TRAK2: variants seen among roughly 807,000 people sequenced by gnomAD.
The protein encoded by TRAK2 is trafficking kinesin-binding protein 2.
In TRAK2, 81 loss-of-function variants were observed where a neutral mutation model predicts 104.6. That is an observed-to-expected ratio of 0.77 (90% CI 0.65 to 0.93). The LOEUF is 0.93. TRAK2 is among the 40% of genes least tolerant of loss of function. The pLI, the probability that TRAK2 is intolerant of heterozygous loss-of-function variation, is 0.00. For synonymous variants in TRAK2, 406 were observed against 394.4 expected (o/e 1.03, Z -0.35); for missense variants, 1,002 against 1,089.0 (o/e 0.92, Z 1.12).
chr2:201,442,356 A>T (rs1385523823), intron 1 of TRAK2, among the ~76,000 whole-genome samples: 2 of 150,686 alleles, frequency 1.3e-5, no homozygotes, highest in South Asian at 4.2e-4. Flanking sequence ...GCACCACTGC[A>T]CTCCAGCCTG....
chr2:201,428,483 G>A (rs868122393), intron 1 of TRAK2, among the ~76,000 whole-genome samples: 2 of 152,134 alleles, frequency 1.3e-5, no homozygotes, highest in Non-Finnish European at 2.9e-5. Flanking sequence ...GGTTGTAGAT[G>A]TGTGGTATTA....
chr2:201,446,921 C>CTA (rs1951969296), intron 1 of TRAK2, among the ~76,000 whole-genome samples: 1 of 152,186 alleles, frequency 6.6e-6, no homozygotes, highest in Non-Finnish European at 1.5e-5. Flanking sequence ...GTACAAACAG[C>CTA]TATATACAAA....
chr2:201,408,854 A>G (rs992448863), intron 2 of TRAK2, among the ~76,000 whole-genome samples: 5 of 152,214 alleles, frequency 3.3e-5, no homozygotes, highest in Non-Finnish European at 5.9e-5. Flanking sequence ...ACATTTTAGT[A>G]TATTCTCAAA....
Position 201,386,305 on chromosome 2 carries a change from G to A in TRAK2, c.1876C>T (p.Leu626Phe). The A allele has an allele frequency of 1.2e-6, 2 of 1,614,150 alleles. No individual in the cohort carries two copies. The highest frequency in any genetic ancestry group is 1.3e-5 in the African/African-American group (1 of 75,048). Residue 626 changes from leucine (L) to phenylalanine (F), a missense_variant, in exon 14 of 16, where the codon CTT becomes TTT. Transcript: ENST00000332624. ...GTTGAAAGTTTCTCTTCCACTTCAA[G>A]AGGTTGCTGAACCTGAAAAGTAATA... is the stretch of plus-strand genomic sequence containing the variant. ...EGITFQVQQP[L>F]EVEEKLSTSK... is the part of the protein sequence containing the mutation.
At chr2:201,414,639 A>G (rs976220903) in intron 2 of TRAK2, among the ~76,000 whole-genome samples, 5 of 152,216 alleles carry the variant, frequency 3.3e-5, no homozygotes, top group Non-Finnish European at 7.3e-5. Flanking sequence ...ATGGTTCTAA[A>G]TAAGCTCTCA....
chr2:201,443,068 CTTTTA>C (rs945811872), intron 1 of TRAK2, among the ~76,000 whole-genome samples: 60 of 152,134 alleles, frequency 3.9e-4, no homozygotes, highest in African/African-American at 1.4e-3. Flanking sequence ...TGCTCAAATT[CTTTTA>C]TTTTATTAAA....
intron 1 of TRAK2, among the ~76,000 whole-genome samples, chr2:201,428,304 CTAACATT>C (rs556420939): frequency 2.6e-4 from 39 of 152,276 alleles, no homozygotes; most frequent in African/African-American, 9.4e-4. Context: ...GGTTTTAGGT[CTAACATT>C]TAAGTATTTA....
chr2:201,405,531 G>A (rs2125648634), intron 3 of TRAK2, among the ~76,000 whole-genome samples: 1 of 152,240 alleles, frequency 6.6e-6, no homozygotes, highest in South Asian at 2.1e-4. Flanking sequence ...TTTTGTAGGT[G>A]GAGTAGGGGG....
Position 201,393,006 on chromosome 2 carries a change from A to G in TRAK2, c.1016T>C (p.Met339Thr). Residue 339 changes from methionine (M) to threonine (T), a missense_variant, in exon 10 of 16, where the codon ATG (methionine) becomes ACG (threonine). Transcript: ENST00000332624. ...LQDRNMECLGMLHESQEEIKE... is the reference protein window; with the variant it reads ...LQDRNMECLGTLHESQEEIKE... ...TATTTCTTCTTGGGATTCATGTAAC[A>G]TTCCTAGACACTCCATATTCCTGTC... 1 of 1,613,690 alleles carries G rather than the reference A, an allele frequency of 6.2e-7. No homozygotes were observed.
At chr2:201,422,317 A>T (rs1286118044) in intron 1 of TRAK2, among the ~76,000 whole-genome samples, 1 of 152,212 alleles carries the variant, frequency 6.6e-6, no homozygotes, top group Non-Finnish European at 1.5e-5. Flanking sequence ...TGGAACATAC[A>T]AAGGAATACA....
intron 2 of TRAK2, among the ~76,000 whole-genome samples, chr2:201,417,686 T>G (rs1481024709): frequency 6.6e-6 from 1 of 152,172 alleles, no homozygotes; most frequent in African/African-American, 2.4e-5. Context: ...GCTCTTACCA[T>G]TTTTATTCAA....
At chr2:201,402,064 A>T (rs1219008716) in intron 3 of TRAK2, among the ~76,000 whole-genome samples, 1 of 152,084 alleles carries the variant, frequency 6.6e-6, no homozygotes, top group Non-Finnish European at 1.5e-5. Flanking sequence ...GATAATAAAT[A>T]TGGAGGTGAT....
chr2:201,423,397 C>T (rs1951759946), intron 1 of TRAK2: 2 of 152,086 alleles, frequency 1.3e-5, no homozygotes, highest in African/African-American at 2.4e-5. Flanking sequence ...ATAGGCAAAT[C>T]CATAGTGACA....
chr2:201,388,096 T>C (rs772330596), intron 12 of TRAK2, 95 bp from the exon 13 acceptor site: 21 of 1,306,226 alleles, frequency 1.6e-5, no homozygotes, highest in South Asian at 1.4e-4. Context: ...AAGAGACTGA[T>C]ATTAAAAACA....
intron 3 of TRAK2, 56 bp from the exon 4 acceptor site, chr2:201,401,150 ATATT>A: frequency 8.2e-7 from 1 of 1,216,258 alleles, no homozygotes; most frequent in South Asian, 1.6e-5. Flanking sequence ...AAAAATTTAA[ATATT>A]AATAAGAATT....
At position 201,430,818 on chromosome 2, in the gene TRAK2, C is replaced by T. The variant is rs140722557; in HGVS notation, c.-199-10112G>A. Among the ~76,000 whole-genome samples, 34 of 152,318 alleles carry T rather than the reference C, an allele frequency of 2.2e-4. 1 individual carries two copies. In the East Asian group the frequency reaches 4.2e-3, roughly 19 times the overall value. On this transcript the variant is annotated intron_variant, in intron 1 of 15. Transcript: ENST00000332624. ...CTGCCCTGCTTTGGCTCACCCTCCG[C>T]GGGCTGCACCCACTGTCCAACAAGC... is the stretch of plus-strand genomic sequence containing the variant.
rs145195489 is a variant in TRAK2, at chr2:201,398,491, C to T, written c.481-137G>A. 1.3e-4 allele frequency: 96 copies of T among 755,296 alleles called. No individual in the cohort carries two copies. In the East Asian group the frequency reaches 1.7e-3, roughly 13 times the overall value. 46.8% of individuals were successfully genotyped at this position (755,296 alleles called of 1,614,324 possible). ...TCAGCTGCTAGGTTTTACTGACTAA[C>T]GCAACAAGTACTAAAAAGAGAATAA... On this transcript the variant is annotated intron_variant, in intron 5 of 15. Transcript: ENST00000332624.
chr2:201,428,852 G>A (rs1951815633), intron 1 of TRAK2, among the ~76,000 whole-genome samples: 1 of 152,110 alleles, frequency 6.6e-6, no homozygotes, highest in Admixed American at 6.6e-5. Flanking sequence ...GTTGAGCAGT[G>A]GTTTGTAGTT....
intron 1 of TRAK2, among the ~76,000 whole-genome samples, chr2:201,445,098 C>T (rs1951954300): frequency 6.6e-6 from 1 of 152,206 alleles, no homozygotes; most frequent in South Asian, 2.1e-4. Context: ...ATTCGTTCCA[C>T]TGCTATACCA....
Sources: allele counts gnomAD v4.1 joint callset (sites outside exome capture counted in the v4.1 genomes callset), GRCh38; gene constraint gnomAD v4.1.1; transcripts MANE v1.5; gene names NCBI Gene and HGNC (gene_info 2026-07-23, HGNC 2026-07-21).